PAK5: variants seen among roughly 807,000 people sequenced by gnomAD.
The protein encoded by PAK5 is serine/threonine-protein kinase PAK 5.
A neutral mutation model predicts 65.9 loss-of-function variants in PAK5; 16 were observed. The observed-to-expected ratio is 0.24, with a 90% CI of 0.16 to 0.37. The LOEUF is 0.37. PAK5 is among the 10% of genes least tolerant of loss of function. PAK5 has a pLI of 1.00. For synonymous variants in PAK5, 371 were observed against 354.9 expected (o/e 1.05, Z -0.51); for missense variants, 785 against 903.9 (o/e 0.87, Z 1.69).
chr20:9,544,642 T>C (rs1259071857), intron 7 of PAK5, 148 bp from the exon 8 acceptor site: 3 of 697,808 alleles, frequency 4.3e-6, no homozygotes, highest in Non-Finnish European at 7.2e-6. Flanking sequence ...GTCAGACCCT[T>C]TTATTGGAAA....
chr20:9,756,324 T>C (rs1042059548), intron 1 of PAK5, among the ~76,000 whole-genome samples: 1 of 152,158 alleles, frequency 6.6e-6, no homozygotes, highest in African/African-American at 2.4e-5. Context: ...TGTATCTACG[T>C]ATCTGGTTCT....
At chr20:9,786,800 C>G (rs554929651) in intron 1 of PAK5, among the ~76,000 whole-genome samples, 27 of 152,214 alleles carry the variant, frequency 1.8e-4, no homozygotes, top group African/African-American at 6.0e-4. Flanking sequence ...CTTTTTTAGT[C>G]TTGTATAATC....
At chr20:9,630,501 T>C (rs954459995) in intron 3 of PAK5, among the ~76,000 whole-genome samples, 3 of 152,104 alleles carry the variant, frequency 2.0e-5, no homozygotes, top group Non-Finnish European at 4.4e-5. Context: ...CCTAATGGAG[T>C]GAACTGCAGT....
intron 1 of PAK5, among the ~76,000 whole-genome samples, chr20:9,767,665 T>A (rs1264588343): frequency 6.6e-6 from 1 of 152,124 alleles, no homozygotes; most frequent in East Asian, 1.9e-4. Flanking sequence ...TAGTTTGGGG[T>A]TACCACCTTC....
intron 3 of PAK5, among the ~76,000 whole-genome samples, chr20:9,615,696 A>G (rs1345706974): frequency 6.6e-6 from 1 of 152,192 alleles, no homozygotes; most frequent in Non-Finnish European, 1.5e-5. Flanking sequence ...ATTTTGCATA[A>G]TCGTGTGGGT....
intron 4 of PAK5, among the ~76,000 whole-genome samples, chr20:9,570,019 C>T (rs780477126): frequency 1.1e-4 from 16 of 152,156 alleles, no homozygotes; most frequent in Non-Finnish European, 1.9e-4. Flanking sequence ...TCAAGTCAAC[C>T]TCTCTGAGTC....
chr20:9,744,743 C>G (rs2048487310), intron 1 of PAK5, among the ~76,000 whole-genome samples: 1 of 152,322 alleles, frequency 6.6e-6, no homozygotes, highest in East Asian at 1.9e-4. Context: ...GTGACTTCAG[C>G]CTATCTCCTC....
At chr20:9,604,782 C>T (rs1050437064) in intron 3 of PAK5, among the ~76,000 whole-genome samples, 1 of 152,134 alleles carries the variant, frequency 6.6e-6, no homozygotes, top group Non-Finnish European at 1.5e-5. Context: ...GTTGTCTTGT[C>T]AGTTTTCCGC....
At chr20:9,550,684 G>A in intron 7 of PAK5, among the ~76,000 whole-genome samples, 1 of 152,104 alleles carries the variant, frequency 6.6e-6, no homozygotes. Flanking sequence ...GTAGGACTCT[G>A]TGAAGAAGTC....
chr20:9,760,673 C>CTT (rs5840332), intron 1 of PAK5, among the ~76,000 whole-genome samples: 25,817 of 122,732 alleles, frequency 0.21, 3,037 homozygotes, highest in East Asian at 0.35. Flanking sequence ...CTTTTCTTTT[C>CTT]TTTTTTTTTT....
intron 2 of PAK5, among the ~76,000 whole-genome samples, chr20:9,658,927 C>T (rs1258376801): frequency 1.3e-5 from 2 of 152,096 alleles, no homozygotes; most frequent in African/African-American, 4.8e-5. Flanking sequence ...CTGGAATTCA[C>T]CACTCAAGAT....
chr20:9,580,063 C>A, intron 4 of PAK5, 82 bp downstream of exon 4: 1 of 1,200,256 alleles, frequency 8.3e-7, no homozygotes, highest in Non-Finnish European at 1.2e-6. Context: ...ACTTTACAAT[C>A]CAATCGTATA....
intron 1 of PAK5, among the ~76,000 whole-genome samples, chr20:9,755,686 G>T (rs1345360724): frequency 6.6e-6 from 1 of 152,290 alleles, no homozygotes; most frequent in South Asian, 2.1e-4. Flanking sequence ...TTATAGTTCA[G>T]TTCAGTTCCT....
At chr20:9,598,750 A>G (rs768636946) in intron 3 of PAK5, among the ~76,000 whole-genome samples, 2 of 152,196 alleles carry the variant, frequency 1.3e-5, no homozygotes, top group Non-Finnish European at 2.9e-5. Context: ...GGCCGCATAA[A>G]TGTCTTCCTT....
At position 9,747,063 on chromosome 20, in the gene PAK5, G is replaced by A. The variant is rs531193173; in HGVS notation, c.-161-35628C>T. Among the ~76,000 whole-genome samples the A allele has an allele frequency of 2.3e-3, 352 of 152,184 alleles. 2 individuals carry two copies. The highest frequency in any genetic ancestry group is 8.3e-3 in the African/African-American group (343 of 41,522). On this transcript the variant is annotated intron_variant, in intron 1 of 9. Transcript: ENST00000353224. ...CAGAGAATACTACAAACACCTCTACGCAAAAAAACTAGAAAATCTAGAAGA... is the reference window on the plus strand; with the variant it reads ...CAGAGAATACTACAAACACCTCTACACAAAAAAACTAGAAAATCTAGAAGA...
chr20:9,729,425 G>A (rs184076496), intron 1 of PAK5, among the ~76,000 whole-genome samples: 1 of 152,118 alleles, frequency 6.6e-6, no homozygotes, highest in African/African-American at 2.4e-5. Flanking sequence ...GATACTGCTG[G>A]TTGTTGTCTC....
intron 1 of PAK5, among the ~76,000 whole-genome samples, chr20:9,750,975 C>T (rs2048569931): frequency 6.6e-6 from 1 of 152,158 alleles, no homozygotes; most frequent in Non-Finnish European, 1.5e-5. Context: ...CAGTGTATGG[C>T]ATTTTTGGCT....
intron 1 of PAK5, among the ~76,000 whole-genome samples, chr20:9,764,350 C>T (rs1027614193): frequency 2.0e-5 from 3 of 151,842 alleles, no homozygotes; most frequent in African/African-American, 4.8e-5. Context: ...CTCAGTGTAT[C>T]GTATGGGGCA....
chr20:9,676,159 A>C (rs531941857), intron 2 of PAK5, among the ~76,000 whole-genome samples: 1 of 152,220 alleles, frequency 6.6e-6, no homozygotes, highest in South Asian at 2.1e-4. Flanking sequence ...CCCTTACAAT[A>C]ATCATCAAAT....
Sources: allele counts gnomAD v4.1 joint callset (sites outside exome capture counted in the v4.1 genomes callset), GRCh38; gene constraint gnomAD v4.1.1; transcripts MANE v1.5; gene names NCBI Gene and HGNC (gene_info 2026-07-23, HGNC 2026-07-21).